The following NUDCD1 variants were observed in gnomAD, a reference collection of about 807,000 sequenced individuals.
NUDCD1 encodes nudC domain-containing protein 1.
A neutral mutation model predicts 67.8 loss-of-function variants in NUDCD1; 60 were observed. The ratio of observed to expected loss-of-function variants is 0.88; its 90% CI spans 0.72 to 1.10. The LOEUF is 1.10. Among genes scored for constraint, NUDCD1 ranks in the 50% least tolerant of loss-of-function variants. NUDCD1 has a pLI of 0.00. For synonymous variants in NUDCD1, 244 were observed against 230.8 expected (o/e 1.06, Z -0.52); for missense variants, 643 against 695.0 (o/e 0.93, Z 0.84).
chr8:109,298,020 A>AT (rs1814883899), intron 2 of NUDCD1, among the ~76,000 whole-genome samples: 2 of 152,084 alleles, frequency 1.3e-5, no homozygotes, highest in South Asian at 2.1e-4. Flanking sequence ...TTGGTGACCC[A>AT]TTTTTTCTTT....
chr8:109,322,429 A>T lies in NUDCD1; in HGVS notation c.153T>A (p.Tyr51Ter). ...VAEVKLRDDQ[Y>*]TLEHMHAFGM... ...CAAAAGCATGCATGTGTTCCAGTGT[A>T]TATTGATCATCTCGAAGTTTTACCT... Residue 51 changes from tyrosine (Y) to a stop codon, truncating the protein, a stop_gained, in exon 2 of 10, where the codon TAT (tyrosine) becomes TAA (stop). Transcript: ENST00000239690. LOFTEE classifies it high-confidence loss of function. 3 of 1,598,242 alleles carry T rather than the reference A, an allele frequency of 1.9e-6. No homozygotes were observed. The highest frequency in any genetic ancestry group is 2.6e-6 in the Non-Finnish European group (3 of 1,169,208).
chr8:109,332,477 C>T (rs1447002918), intron 1 of NUDCD1, among the ~76,000 whole-genome samples: 2 of 152,104 alleles, frequency 1.3e-5, no homozygotes, highest in East Asian at 3.8e-4. Flanking sequence ...CAAGAGGAGA[C>T]CATGTGAAAG....
rs6980694 is a variant in NUDCD1 at position 109,312,104 on chromosome 8, C to T, written c.273+10205G>A. 5.5e-3 allele frequency among the ~76,000 whole-genome samples: 840 copies of T among 151,982 alleles called. 6 individuals are homozygous for T. The highest frequency in any genetic ancestry group is 0.02 in the African/African-American group (815 of 41,428). On this transcript the variant is annotated intron_variant, in intron 2 of 9. Transcript: ENST00000239690. Reference sequence around the variant, plus strand: ...AATCACCTGAGGCAGGAGTTCAAGACCAGCCTGGCCAACATGGTGAAACCC... The same window carrying T: ...AATCACCTGAGGCAGGAGTTCAAGATCAGCCTGGCCAACATGGTGAAACCC...
intron 2 of NUDCD1, among the ~76,000 whole-genome samples, chr8:109,300,835 A>C (rs1185869371): frequency 2.6e-5 from 4 of 152,248 alleles, no homozygotes; most frequent in Non-Finnish European, 5.9e-5. Flanking sequence ...AAAGAATCTT[A>C]AGAGCTGTGA....
At chr8:109,265,627 A>G (rs572326855) in intron 8 of NUDCD1, among the ~76,000 whole-genome samples, 1 of 152,310 alleles carries the variant, frequency 6.6e-6, no homozygotes, top group South Asian at 2.1e-4. Flanking sequence ...TTATATCTTA[A>G]GCCAGTGGTC....
chr8:109,251,383 G>C (rs182289111), intron 8 of NUDCD1, among the ~76,000 whole-genome samples: 137 of 151,968 alleles, frequency 9.0e-4, no homozygotes, highest in Non-Finnish European at 1.8e-3. Flanking sequence ...ATCTTGGCCA[G>C]GCTGGTCTTG....
rs773863755 is a variant in NUDCD1, at chr8:109,289,765, GAT to G, written c.807_808del (p.Ser270ArgfsTer14). ...ATAAAAATTACCTTTGATTTTCTCT[GAT>G]ATGTCTTCATCCATATTTTCTTCAA... On this transcript the variant is annotated frameshift_variant, in exon 5 of 10. Coordinates refer to ENST00000239690, the MANE Select transcript of NUDCD1 (RefSeq NM_032869.4). LOFTEE classifies it high-confidence loss of function. 3 of 1,487,960 alleles carry G rather than the reference GAT, an allele frequency of 2.0e-6. No individual in the cohort carries two copies. Among genetic ancestry groups the G allele is most frequent in the Non-Finnish European group, 2.8e-6 (3 of 1,078,624 alleles). 92.2% of individuals were successfully genotyped at this position (1,487,960 alleles called of 1,614,324 possible).
Position 109,333,944 on chromosome 8 carries a change from AACCCTCGAAGCGGGG to A in NUDCD1, c.52_66del (p.Pro18_Gly22del). 6.2e-7 allele frequency: 1 copy of A among 1,614,172 alleles called. No individual in the cohort carries two copies. The highest frequency in any genetic ancestry group is 2.2e-5 in the East Asian group (1 of 44,880). On this transcript the variant is annotated inframe_deletion, in exon 1 of 10. Transcript: ENST00000239690. Reference sequence around the variant, plus strand: ...GGCAGCGGCTCAAGAGAGAGCTTGTAACCCTCGAAGCGGGGATCCAACAGAGGTCTCTTCACCCGT... The same window carrying A: ...GGCAGCGGCTCAAGAGAGAGCTTGTAATCCAACAGAGGTCTCTTCACCCGT...
chr8:109,278,513 T>C (rs1814350499), intron 6 of NUDCD1, among the ~76,000 whole-genome samples: 1 of 152,230 alleles, frequency 6.6e-6, no homozygotes, highest in Non-Finnish European at 1.5e-5. Context: ...ATGAGGATAC[T>C]GAATTATTTC....
chr8:109,244,932 G>A (rs988494886), intron 9 of NUDCD1, among the ~76,000 whole-genome samples: 1 of 152,098 alleles, frequency 6.6e-6, no homozygotes, highest in African/African-American at 2.4e-5. Flanking sequence ...CACCTTAGGG[G>A]AATTCTATGA....
intron 8 of NUDCD1, among the ~76,000 whole-genome samples, chr8:109,254,478 A>G (rs1263620910): frequency 6.6e-6 from 1 of 152,180 alleles, no homozygotes; most frequent in Non-Finnish European, 1.5e-5. Flanking sequence ...TTCCTTGTTA[A>G]TACCAACTAA....
At chr8:109,332,403 T>G (rs1337694887) in intron 1 of NUDCD1, among the ~76,000 whole-genome samples, 1 of 152,122 alleles carries the variant, frequency 6.6e-6, no homozygotes, top group African/African-American at 2.4e-5. Flanking sequence ...GGCACAAGTG[T>G]CTCTTGGTAC....
intron 1 of NUDCD1, among the ~76,000 whole-genome samples, chr8:109,328,262 G>A (rs1396991253): frequency 6.6e-6 from 1 of 152,142 alleles, no homozygotes; most frequent in Non-Finnish European, 1.5e-5. Context: ...ACGGTTACAT[G>A]GCTTTTCCCT....
In NUDCD1 at chr8:109,255,965, T is replaced by C. The variant is rs74502766; in HGVS notation, c.1300-10484A>G. ...TGACTCACACCTGTTATCCCAGCAATTGGGAGGCTGAAGTGGAAAGATTAC... is the reference window on the plus strand; with the variant it reads ...TGACTCACACCTGTTATCCCAGCAACTGGGAGGCTGAAGTGGAAAGATTAC... On this transcript the variant is annotated intron_variant, in intron 8 of 9. Transcript: ENST00000239690. Among the ~76,000 whole-genome samples the C allele has an allele frequency of 1.6e-3, 240 of 152,200 alleles. 6 individuals carry two copies. In the East Asian group the frequency reaches 0.025, roughly 16 times the overall value.
chr8:109,298,280 T>C (rs1814891113), intron 2 of NUDCD1, among the ~76,000 whole-genome samples: 1 of 152,116 alleles, frequency 6.6e-6, no homozygotes, highest in Non-Finnish European at 1.5e-5. Context: ...CATCAGTATG[T>C]TTTACAGAGA....
At chr8:109,330,985 T>C (rs1179727668) in intron 1 of NUDCD1, among the ~76,000 whole-genome samples, 1 of 152,010 alleles carries the variant, frequency 6.6e-6, no homozygotes, top group Admixed American at 6.6e-5. Context: ...CAAACCACCA[T>C]GGCACACGTT....
chr8:109,300,373 G>A (rs974570899), intron 2 of NUDCD1, among the ~76,000 whole-genome samples: 2 of 151,970 alleles, frequency 1.3e-5, no homozygotes, highest in African/African-American at 4.8e-5. Flanking sequence ...AGTGAAAGGG[G>A]AAATATTCAA....
chr8:109,300,404 A>G (rs1434550440), intron 2 of NUDCD1, among the ~76,000 whole-genome samples: 1 of 152,208 alleles, frequency 6.6e-6, no homozygotes, highest in Non-Finnish European at 1.5e-5. Flanking sequence ...TAAATAAAAA[A>G]CAATCAAAAC....
intron 3 of NUDCD1, among the ~76,000 whole-genome samples, chr8:109,293,935 A>AT (rs1459013802): frequency 1.3e-5 from 2 of 152,086 alleles, no homozygotes; most frequent in Non-Finnish European, 2.9e-5. Context: ...AAAAGAGCCT[A>AT]TTAGCATTTA....
Sources: gnomAD v4.1 joint callset for allele counts (sites outside exome capture counted in the v4.1 genomes callset) on GRCh38, gnomAD v4.1.1 for gene constraint, MANE v1.5 for transcripts, NCBI Gene and HGNC (gene_info 2026-07-23, HGNC 2026-07-21) for gene names.